ATP10B: variants seen among roughly 807,000 people sequenced by gnomAD.
ATP10B encodes phospholipid-transporting ATPase VB.
A neutral mutation model predicts 141.2 loss-of-function variants in ATP10B; 122 were observed. That is an observed-to-expected ratio of 0.86 (90% CI 0.75 to 1.00). ATP10B has a LOEUF of 1.00. ATP10B is among the 50% of genes least tolerant of loss of function. The pLI, the probability that ATP10B is intolerant of heterozygous loss-of-function variation, is 0.00. For synonymous variants in ATP10B, 685 were observed against 692.0 expected (o/e 0.99, Z 0.16); for missense variants, 1,876 against 1,825.3 (o/e 1.03, Z -0.51).
At chr5:160,769,784 C>T (rs945371174) in intron 2 of ATP10B, among the ~76,000 whole-genome samples, 4 of 152,190 alleles carry the variant, frequency 2.6e-5, no homozygotes, top group Non-Finnish European at 4.4e-5. Context: ...GTAGCATTGC[C>T]ATAGCACAAT....
At position 160,788,918 on chromosome 5, in the gene ATP10B, A is replaced by T. The variant is rs574248345; in HGVS notation, c.-575-3115T>A. On this transcript the variant is annotated intron_variant, in intron 1 of 25. Transcript: ENST00000327245. ...AACAGTTAGGTTTCTATATTATGGC[A>T]GACACTGTGCTAGGCATCGGTATGT... 9.8e-5 allele frequency among the ~76,000 whole-genome samples: 15 copies of T among 152,292 alleles called. No homozygotes were observed. The South Asian group carries it at 3.1e-3, about 32-fold the overall frequency.
intron 1 of ATP10B, among the ~76,000 whole-genome samples, chr5:160,834,019 T>C (rs1427343953): frequency 1.3e-5 from 2 of 152,064 alleles, no homozygotes; most frequent in Non-Finnish European, 2.9e-5. Flanking sequence ...AATAGACTCC[T>C]GGTTGTTAAA....
the ATP10B span, among the ~76,000 whole-genome samples, chr5:160,882,673 G>A: frequency 6.6e-6 from 1 of 151,838 alleles, no homozygotes; most frequent in Non-Finnish European, 1.5e-5. Flanking sequence ...TAATCACAAA[G>A]GAAATGTCAT....
chr5:160,816,640 TAACTC>T, intron 1 of ATP10B, among the ~76,000 whole-genome samples: 1 of 152,312 alleles, frequency 6.6e-6, no homozygotes, highest in East Asian at 1.9e-4. Flanking sequence ...GAATCCTCCC[TAACTC>T]ATTTTATGAG....
chr5:160,808,514 T>C (rs1374767734), intron 1 of ATP10B, among the ~76,000 whole-genome samples: 2 of 152,166 alleles, frequency 1.3e-5, no homozygotes, highest in Non-Finnish European at 2.9e-5. Context: ...ATCTATATCA[T>C]CACCTCTCCT....
intron 6 of ATP10B, among the ~76,000 whole-genome samples, chr5:160,673,967 CAA>C (rs1458283659): frequency 2.6e-5 from 4 of 152,132 alleles, no homozygotes; most frequent in Admixed American, 6.5e-5. Flanking sequence ...AAAATTGTCC[CAA>C]GGAACAAAGA....
chr5:160,606,905 A>T lies in ATP10B; in HGVS notation c.3020T>A (p.Phe1007Tyr). ...AAACTTCTTCTCTAGCTTTCCCTGGAAGATGGCATTCAATGTCTTCCCATC... is the reference window on the plus strand; with the variant it reads ...AAACTTCTTCTCTAGCTTTCCCTGGTAGATGGCATTCAATGTCTTCCCATC... The part of the protein sequence containing the change: ...VIDGKTLNAI[F>Y]QGKLEKKFLE... The change falls in exon 19 of 26, where the codon TTC becomes TAC. Residue 1007 changes from phenylalanine (F) to tyrosine (Y), a missense_variant. Coordinates refer to ENST00000327245, the MANE Select transcript of ATP10B (RefSeq NM_025153.3). The T allele has an allele frequency of 6.2e-7, 1 of 1,614,184 alleles. No homozygotes were observed.
intron 24 of ATP10B, among the ~76,000 whole-genome samples, chr5:160,580,188 C>T (rs562175420): frequency 1.1e-4 from 16 of 152,300 alleles, no homozygotes; most frequent in South Asian, 2.1e-4. Context: ...CCAGAACTTC[C>T]GATACTATGT....
intron 3 of ATP10B, among the ~76,000 whole-genome samples, chr5:160,697,987 C>T (rs1288951763): frequency 6.6e-6 from 1 of 152,214 alleles, no homozygotes; most frequent in African/African-American, 2.4e-5. Flanking sequence ...TGCCACATTA[C>T]ACTTTATCAC....
intron 2 of ATP10B, among the ~76,000 whole-genome samples, chr5:160,745,930 T>G (rs1467628980): frequency 1.3e-5 from 2 of 152,216 alleles, no homozygotes; most frequent in Non-Finnish European, 2.9e-5. Flanking sequence ...CTGCCATAAT[T>G]TAAATGAATT....
intron 2 of ATP10B, among the ~76,000 whole-genome samples, chr5:160,773,880 G>A (rs964138996): frequency 7.9e-5 from 12 of 152,150 alleles, no homozygotes; most frequent in African/African-American, 1.9e-4. Flanking sequence ...TAAAAGGATC[G>A]TGTTTTCATT....
chr5:160,831,681 A>G (rs1049372064), intron 1 of ATP10B, among the ~76,000 whole-genome samples: 1 of 152,138 alleles, frequency 6.6e-6, no homozygotes, highest in African/African-American at 2.4e-5. Context: ...GGAATAGCAG[A>G]TAAGAAGAAA....
At chr5:160,584,061 G>A (rs1755724147) in intron 24 of ATP10B, among the ~76,000 whole-genome samples, 1 of 151,988 alleles carries the variant, frequency 6.6e-6, no homozygotes, top group Non-Finnish European at 1.5e-5. Context: ...TGGCATTCCA[G>A]GCACCACTGG....
chr5:160,837,497 T>C (rs1050812297), intron 1 of ATP10B, among the ~76,000 whole-genome samples: 1 of 152,192 alleles, frequency 6.6e-6, no homozygotes, highest in African/African-American at 2.4e-5. Context: ...TTTTACTTCA[T>C]GAGAAAGACT....
the ATP10B span, among the ~76,000 whole-genome samples, chr5:160,907,385 A>AT: frequency 0.16 from 24,373 of 151,148 alleles, 2,303 homozygotes; most frequent in East Asian, 0.35. Context: ...ATCCTATGCA[A>AT]TTTTTTTTTG....
At chr5:160,678,895 C>A (rs1033284094) in intron 6 of ATP10B, among the ~76,000 whole-genome samples, 1 of 152,180 alleles carries the variant, frequency 6.6e-6, no homozygotes, top group African/African-American at 2.4e-5. Flanking sequence ...TGCCAAGCAT[C>A]CAGTAAGGTC....
intron 6 of ATP10B, among the ~76,000 whole-genome samples, chr5:160,676,130 T>C (rs567781469): frequency 6.6e-6 from 1 of 152,274 alleles, no homozygotes; most frequent in African/African-American, 2.4e-5. Flanking sequence ...TAAAGTTCTT[T>C]ATATTGGGAG....
intron 7 of ATP10B, among the ~76,000 whole-genome samples, chr5:160,656,730 A>G (rs568753247): frequency 1.3e-5 from 2 of 152,286 alleles, no homozygotes; most frequent in South Asian, 4.1e-4. Flanking sequence ...ACCCATAGGC[A>G]TAAAGTTCTT....
chr5:160,771,387 G>A (rs1335117469), intron 2 of ATP10B, among the ~76,000 whole-genome samples: 1 of 152,168 alleles, frequency 6.6e-6, no homozygotes, highest in African/African-American at 2.4e-5. Context: ...TGGCTGAAGA[G>A]TCTTGGGTGT....
Sources: gnomAD v4.1 joint callset for allele counts (sites outside exome capture counted in the v4.1 genomes callset) on GRCh38, gnomAD v4.1.1 for gene constraint, MANE v1.5 for transcripts, NCBI Gene and HGNC (gene_info 2026-07-23, HGNC 2026-07-21) for gene names.